The following PTCHD4 variants were observed in gnomAD, a reference collection of about 807,000 sequenced individuals.
PTCHD4 encodes patched domain containing 4.
In PTCHD4, 33 loss-of-function variants were observed where a neutral mutation model predicts 58.1. The observed-to-expected ratio is 0.57, with a 90% confidence interval of 0.43 to 0.76. The LOEUF is 0.76. PTCHD4 is among the 30% of genes least tolerant of loss of function. PTCHD4 has a pLI of 0.00. For missense variants in PTCHD4, 1,058 were observed against 1,027.1 expected (o/e 1.03, Z -0.41); for synonymous variants, 478 against 409.6 (o/e 1.17, Z -2.02).
chr6:48,007,558 C>T (rs536791679), intron 4 of PTCHD4, among the ~76,000 whole-genome samples: 1 of 152,312 alleles, frequency 6.6e-6, no homozygotes, highest in South Asian at 2.1e-4. Flanking sequence ...ACATATATTA[C>T]AATCCAGCAT....
Position 47,984,333 on chromosome 6 carries a change from A to G in PTCHD4, c.898+24301T>C, listed in dbSNP as rs530048705. ...AATCATGGCAGAAGGGGAAGCAGGC[A>G]CATCTTGCATGGTGACAGGAGAGAG... is the stretch of plus-strand genomic sequence containing the variant. On this transcript the variant is annotated intron_variant, in intron 4 of 4. Coordinates refer to ENST00000339488, the MANE Select transcript of PTCHD4 (RefSeq NM_001384253.1). Among the ~76,000 whole-genome samples the G allele has an allele frequency of 2.6e-5, 4 of 152,290 alleles. No homozygotes were observed. The South Asian group carries it at 8.3e-4, about 32-fold the overall frequency.
At chr6:47,978,025 A>C (rs1382691431) in intron 4 of PTCHD4, among the ~76,000 whole-genome samples, 1 of 152,160 alleles carries the variant, frequency 6.6e-6, no homozygotes, top group Admixed American at 6.5e-5. Flanking sequence ...TTCCTTAAGT[A>C]ATGAACTTAT....
intron 1 of PTCHD4, among the ~76,000 whole-genome samples, chr6:48,095,946 C>T (rs1431001643): frequency 6.6e-6 from 1 of 151,842 alleles, no homozygotes; most frequent in African/African-American, 2.4e-5. Flanking sequence ...ACACCTCACA[C>T]ATTTAAAAAA....
rs558462225 is a variant in PTCHD4 at position 47,949,763 on chromosome 6, T to C, written c.898+58871A>G. Reference sequence around the variant, plus strand: ...CCTTGGGGTAATGATCTATAAGCCATGTTTTCCCCAACATTCCCTTTATCA... The same window carrying C: ...CCTTGGGGTAATGATCTATAAGCCACGTTTTCCCCAACATTCCCTTTATCA... On this transcript the variant is annotated intron_variant, in intron 4 of 4. Coordinates refer to ENST00000339488, the MANE Select transcript of PTCHD4 (RefSeq NM_001384253.1). 1.2e-3 allele frequency among the ~76,000 whole-genome samples: 190 copies of C among 152,230 alleles called. 1 individual carries two copies. The highest frequency in any genetic ancestry group is 2.8e-3 in the Admixed American group (43 of 15,270).
chr6:47,864,106 G>T lies in PTCHD4; in HGVS notation c.*14197C>A, dbSNP rs775879679. 2.0e-5 allele frequency among the ~76,000 whole-genome samples: 3 copies of T among 151,850 alleles called. No individual in the cohort carries two copies. The highest frequency in any genetic ancestry group is 1.5e-5 in the Non-Finnish European group (1 of 67,898). On this transcript the variant is annotated 3_prime_UTR_variant, in exon 5 of 5. Coordinates refer to ENST00000339488, the MANE Select transcript of PTCHD4 (RefSeq NM_001384253.1). ...CAGAGATTTTCAAAGTCCAAGTGTG[G>T]TTCCTCAGACTAGTAGCATTAGCAT...
intron 4 of PTCHD4, among the ~76,000 whole-genome samples, chr6:47,907,332 A>G (rs980253118): frequency 6.6e-6 from 1 of 152,186 alleles, no homozygotes; most frequent in Non-Finnish European, 1.5e-5. Context: ...TAATGATTAT[A>G]ATAAATAAGG....
intron 4 of PTCHD4, among the ~76,000 whole-genome samples, chr6:47,915,555 A>G (rs1646745168): frequency 7.1e-6 from 1 of 141,218 alleles, no homozygotes; most frequent in Non-Finnish European, 1.5e-5. Flanking sequence ...AAAGACTCAT[A>G]GAAAATAGAA....
chr6:47,912,107 A>T (rs1765089465), intron 4 of PTCHD4, among the ~76,000 whole-genome samples: 1 of 152,108 alleles, frequency 6.6e-6, no homozygotes, highest in African/African-American at 2.4e-5. Context: ...TGACCATTTG[A>T]TTAGGGTTAT....
At chr6:48,052,599 G>A (rs1274591719) in intron 3 of PTCHD4, among the ~76,000 whole-genome samples, 1 of 152,034 alleles carries the variant, frequency 6.6e-6, no homozygotes, top group Non-Finnish European at 1.5e-5. Context: ...AAACTCTTTG[G>A]AGGTGTGTTA....
chr6:48,073,756 C>A (rs759056531), intron 1 of PTCHD4, among the ~76,000 whole-genome samples: 2 of 152,286 alleles, frequency 1.3e-5, no homozygotes, highest in Non-Finnish European at 2.9e-5. Flanking sequence ...CCGGAAGAAG[C>A]ACACCTGGGA....
chr6:48,031,440 T>C (rs140831324), intron 3 of PTCHD4, among the ~76,000 whole-genome samples: 12 of 152,230 alleles, frequency 7.9e-5, no homozygotes, highest in Non-Finnish European at 7.4e-5. Context: ...CCTGCACCTA[T>C]CACAATAGTG....
chr6:47,880,165 T>C (rs781387226), intron 4 of PTCHD4, among the ~76,000 whole-genome samples: 7 of 152,162 alleles, frequency 4.6e-5, no homozygotes, highest in Non-Finnish European at 5.9e-5. Flanking sequence ...ATGAAACATG[T>C]ATTGTCTGTT....
At chr6:47,906,352 T>G (rs776965260) in intron 4 of PTCHD4, among the ~76,000 whole-genome samples, 50 of 152,212 alleles carry the variant, frequency 3.3e-4, no homozygotes, top group African/African-American at 5.3e-4. Context: ...CCACCAAGCC[T>G]CAGTCTTTTC....
chr6:47,878,891 G>A lies in PTCHD4; in HGVS notation c.1944C>T (p.Asp648=). 3 of 1,613,634 alleles carry A rather than the reference G, an allele frequency of 1.9e-6. No individual in the cohort carries two copies. Among genetic ancestry groups the A allele is most frequent in the East Asian group, 2.2e-5 (1 of 44,858 alleles). The change falls in exon 5 of 5, where the codon GAC becomes GAT. Residue 648 remains aspartate (D), a synonymous_variant. Transcript: ENST00000339488. ...GCACTGTGACAGACAAGCTGTAATG[G>A]TCCATGAAGACAAAGGAGGGGTTGA... ...IVFNPSFVFM[D]HYSLSVTVPV...
chr6:48,006,795 A>C (rs947041520), intron 4 of PTCHD4, among the ~76,000 whole-genome samples: 1 of 152,362 alleles, frequency 6.6e-6, no homozygotes, highest in African/African-American at 2.4e-5. Flanking sequence ...CACTTAAAAC[A>C]TCAGGTTAAA....
intron 4 of PTCHD4, among the ~76,000 whole-genome samples, chr6:48,002,541 T>C (rs531165280): frequency 1.3e-5 from 2 of 148,980 alleles, no homozygotes; most frequent in East Asian, 4.0e-4. Flanking sequence ...TTCTCACTCA[T>C]AGGTGGGAAT....
rs1581811173 is a variant in PTCHD4 at position 47,877,549 on chromosome 6, T to C, written c.*754A>G. 6.6e-6 allele frequency among the ~76,000 whole-genome samples: 1 copy of C among 152,112 alleles called. No individual in the cohort carries two copies. Among genetic ancestry groups the C allele is most frequent in the South Asian group, 2.1e-4 (1 of 4,832 alleles). ...AGTCTAGATGACTGCTGACATGATA[T>C]GCATAATCTAATGAACTCACATCTC... On this transcript the variant is annotated 3_prime_UTR_variant, in exon 5 of 5. Coordinates refer to ENST00000339488, the MANE Select transcript of PTCHD4 (RefSeq NM_001384253.1).
At chr6:47,936,563 C>A (rs986703888) in intron 4 of PTCHD4, among the ~76,000 whole-genome samples, 3 of 152,156 alleles carry the variant, frequency 2.0e-5, no homozygotes, top group Admixed American at 6.5e-5. Context: ...CAAACCAGGT[C>A]TTTTGGCTTC....
At position 47,878,631 on chromosome 6, in the gene PTCHD4, A is replaced by G. The variant is rs771031647; in HGVS notation, c.2204T>C (p.Leu735Ser). The G allele has an allele frequency of 1.9e-6, 3 of 1,613,496 alleles. No homozygotes were observed. The South Asian group carries it at 3.3e-5, about 18-fold the overall frequency. Residue 735 changes from leucine to serine, a missense_variant, in exon 5 of 5, where the codon TTA (leucine) becomes TCA (serine). Leu to Ser is a moderately radical substitution (Grantham distance 145, BLOSUM62 -2). Transcript: ENST00000339488. The part of the protein sequence containing the change: ...HCAPLLFTFV[L>S]ATEHTRTQCI... The stretch of plus-strand genomic sequence containing the variant: ...TTGTGTTCGGGTGTGCTCAGTTGCT[A>G]ATACAAATGTGAAAAGCAGTGGTGC...
Sources: allele counts gnomAD v4.1 joint callset (sites outside exome capture counted in the v4.1 genomes callset), GRCh38; gene constraint gnomAD v4.1.1; transcripts MANE v1.5; gene names NCBI Gene and HGNC (gene_info 2026-07-23, HGNC 2026-07-21).